The following RSRC1 variants were observed in gnomAD, a reference collection of about 807,000 sequenced individuals.
The protein encoded by RSRC1 is serine/Arginine-related protein 53.
In RSRC1, 39 loss-of-function variants were observed where a neutral mutation model predicts 49.1. The ratio of observed to expected loss-of-function variants is 0.79; its 90% CI spans 0.61 to 1.04. The LOEUF is 1.04. Among genes scored for constraint, RSRC1 ranks in the 50% least tolerant of loss-of-function variants. The probability of loss-of-function intolerance (pLI) is 0.00; values close to 1 mark genes in which losing one functional copy is unlikely to be tolerated. For missense variants in RSRC1, 388 were observed against 402.4 expected (o/e 0.96, Z 0.31); for synonymous variants, 143 against 130.8 (o/e 1.09, Z -0.63).
At chr3:158,426,187 A>C (rs1298550987) in intron 6 of RSRC1, among the ~76,000 whole-genome samples, 1 of 151,792 alleles carries the variant, frequency 6.6e-6, no homozygotes, top group African/African-American at 2.4e-5. Flanking sequence ...TTCTTAAACA[A>C]GACAAAGTAT....
intron 7 of RSRC1, among the ~76,000 whole-genome samples, chr3:158,495,285 G>C (rs1428116577): frequency 6.6e-6 from 1 of 151,700 alleles, no homozygotes. Context: ...TGGGTTTTTT[G>C]TTTGTTTGTT....
chr3:158,338,648 C>T (rs1730054134), intron 5 of RSRC1, among the ~76,000 whole-genome samples: 1 of 152,132 alleles, frequency 6.6e-6, no homozygotes. Context: ...TGGTAGCATC[C>T]AAAGACTAAA....
At chr3:158,114,668 G>A (rs1578095620) in intron 1 of RSRC1, among the ~76,000 whole-genome samples, 1 of 152,092 alleles carries the variant, frequency 6.6e-6, no homozygotes, top group East Asian at 1.9e-4. Flanking sequence ...TGTCCTCTCT[G>A]ATTTCCTTGA....
At chr3:158,514,136 A>G (rs1358580636) in intron 7 of RSRC1, among the ~76,000 whole-genome samples, 2 of 151,902 alleles carry the variant, frequency 1.3e-5, no homozygotes, top group Non-Finnish European at 2.9e-5. Flanking sequence ...CTCTGATTTT[A>G]GTTATTTCTT....
At chr3:158,247,983 G>A (rs1723998475) in intron 4 of RSRC1, among the ~76,000 whole-genome samples, 1 of 152,144 alleles carries the variant, frequency 6.6e-6, no homozygotes, top group Non-Finnish European at 1.5e-5. Flanking sequence ...CCAGAAATAA[G>A]ACCACACACC....
At chr3:158,482,052 G>A (rs1263526104) in intron 7 of RSRC1, among the ~76,000 whole-genome samples, 1 of 151,842 alleles carries the variant, frequency 6.6e-6, no homozygotes, top group Non-Finnish European at 1.5e-5. Flanking sequence ...ATCTAGAAAG[G>A]CAGTTTAATA....
intron 4 of RSRC1, among the ~76,000 whole-genome samples, chr3:158,268,341 CTGAG>C (rs1725321766): frequency 6.6e-6 from 1 of 152,122 alleles, no homozygotes; most frequent in Non-Finnish European, 1.5e-5. Context: ...AAAATTTCCC[CTGAG>C]TATGTGTAAT....
intron 8 of RSRC1, among the ~76,000 whole-genome samples, chr3:158,537,452 A>G (rs1470529056): frequency 1.3e-5 from 2 of 151,684 alleles, no homozygotes; most frequent in Non-Finnish European, 3.0e-5. Context: ...ATACTAAGTA[A>G]TATGTCAACA....
chr3:158,203,285 T>G, intron 4 of RSRC1, 40 bp downstream of exon 4: 3 of 1,528,974 alleles, frequency 2.0e-6, no homozygotes, highest in South Asian at 2.5e-5. Flanking sequence ...GACTTGGTGA[T>G]TCCATGGCGA....
intron 6 of RSRC1, among the ~76,000 whole-genome samples, chr3:158,365,614 GC>G (rs1731720505): frequency 6.6e-6 from 1 of 152,158 alleles, no homozygotes; most frequent in Admixed American, 6.5e-5. Flanking sequence ...ACATACATGT[GC>G]ATGTGTCTTT....
At chr3:158,130,811 G>A (rs912978554) in intron 3 of RSRC1, among the ~76,000 whole-genome samples, 2 of 152,020 alleles carry the variant, frequency 1.3e-5, no homozygotes, top group African/African-American at 4.8e-5. Flanking sequence ...TATATGTTTT[G>A]TACCTTTTAT....
intron 7 of RSRC1, among the ~76,000 whole-genome samples, chr3:158,535,188 G>C (rs545743139): frequency 7.3e-5 from 11 of 151,252 alleles, no homozygotes; most frequent in Non-Finnish European, 1.2e-4. Flanking sequence ...TAGCATTTCA[G>C]CAGTAGAATA....
At chr3:158,481,154 G>C (rs1440166494) in intron 7 of RSRC1, among the ~76,000 whole-genome samples, 2 of 151,944 alleles carry the variant, frequency 1.3e-5, no homozygotes, top group African/African-American at 4.8e-5. Context: ...ATGTGACTCA[G>C]CCCCAGAAAC....
At chr3:158,271,187 G>A (rs1725497806) in intron 4 of RSRC1, among the ~76,000 whole-genome samples, 2 of 151,964 alleles carry the variant, frequency 1.3e-5, no homozygotes, top group Non-Finnish European at 2.9e-5. Context: ...ATAGACATTT[G>A]TACTATGAGT....
intron 4 of RSRC1, among the ~76,000 whole-genome samples, chr3:158,260,618 C>T (rs1464002867): frequency 3.9e-5 from 6 of 152,196 alleles, no homozygotes; most frequent in African/African-American, 1.4e-4. Context: ...CTGAGCCAAG[C>T]ATAGCATTGA....
chr3:158,346,137 A>G (rs555748896), intron 5 of RSRC1, among the ~76,000 whole-genome samples: 2 of 152,154 alleles, frequency 1.3e-5, no homozygotes, highest in Admixed American at 6.5e-5. Context: ...ACACCACCAT[A>G]AAAGCCTGAT....
chr3:158,449,123 CAT>C (rs772954870), intron 6 of RSRC1, among the ~76,000 whole-genome samples: 1 of 151,884 alleles, frequency 6.6e-6, no homozygotes. Context: ...CAGAAATAAA[CAT>C]AATCGATCTT....
chr3:158,173,638 A>G (rs1261436869), intron 3 of RSRC1, among the ~76,000 whole-genome samples: 1 of 152,030 alleles, frequency 6.6e-6, no homozygotes, highest in Non-Finnish European at 1.5e-5. Flanking sequence ...GAAAACATTT[A>G]TCCACACAAA....
At chr3:158,515,555 G>A (rs1412781947) in intron 7 of RSRC1, among the ~76,000 whole-genome samples, 7 of 134,476 alleles carry the variant, frequency 5.2e-5, no homozygotes, top group African/African-American at 2.0e-4. Context: ...TTCAACTTTG[G>A]TGAATCTGAC....
Sources: gnomAD v4.1 joint callset for allele counts (sites outside exome capture counted in the v4.1 genomes callset) on GRCh38, gnomAD v4.1.1 for gene constraint, MANE v1.5 for transcripts, NCBI Gene and HGNC (gene_info 2026-07-23, HGNC 2026-07-21) for gene names.